The following RGS18 variants were observed in gnomAD, a reference collection of about 807,000 sequenced individuals.
The protein encoded by RGS18 is regulator of G-protein signaling 18.
In RGS18, 22 loss-of-function variants were observed where a neutral mutation model predicts 27.6. The ratio of observed to expected loss-of-function variants is 0.80; its 90% CI spans 0.57 to 1.14. RGS18 has a LOEUF of 1.14. Ranked by LOEUF, RGS18 falls within the 50% of genes most tolerant of loss-of-function variation. The pLI, the probability that RGS18 is intolerant of heterozygous loss-of-function variation, is 0.00. For missense variants in RGS18, 299 were observed against 269.6 expected, an observed-to-expected ratio of 1.11 and a Z score of -0.76; for synonymous variants, 89 against 84.6, an observed-to-expected ratio of 1.05 and a Z score of -0.29.
intron 3 of RGS18, among the ~76,000 whole-genome samples, chr1:192,174,357 C>G (rs1557937397): frequency 6.6e-6 from 1 of 151,794 alleles, no homozygotes; most frequent in Non-Finnish European, 1.5e-5. Flanking sequence ...ATGAGTCTAA[C>G]ACAGAGTTTA....
In RGS18 at chr1:192,184,506, C is replaced by A. The variant is rs2102162767; in HGVS notation, c.660C>A (p.Thr220=). The A allele has an allele frequency of 6.2e-7, 1 of 1,611,412 alleles. No homozygotes were observed. The highest frequency in any genetic ancestry group is 8.5e-7 in the Non-Finnish European group (1 of 1,178,346). The part of the protein sequence containing the change: ...TNLRRRSRSF[T]CNEFQDVQSD... ...TTAGGAGACGATCACGCTCATTTAC[C>A]TGCAATGAATTCCAAGATGTACAAT... is the stretch of plus-strand genomic sequence containing the variant. Residue 220 remains threonine, a synonymous_variant, in exon 5 of 5, where the codon ACC becomes ACA. Transcript: ENST00000367460.
chr1:192,174,571 T>C (rs1164732355), intron 3 of RGS18, among the ~76,000 whole-genome samples: 1 of 151,938 alleles, frequency 6.6e-6, no homozygotes, highest in Non-Finnish European at 1.5e-5. Flanking sequence ...TGAGTTTGCT[T>C]CATGTATTTT....
At chr1:192,159,599 A>T (rs1656035123) in intron 2 of RGS18, among the ~76,000 whole-genome samples, 1 of 152,208 alleles carries the variant, frequency 6.6e-6, no homozygotes, top group African/African-American at 2.4e-5. Context: ...TAACCTGATA[A>T]AATGCTCATT....
At chr1:192,163,732 C>T (rs1333324443) in intron 3 of RGS18, 3 of 151,678 alleles carry the variant, frequency 2.0e-5, no homozygotes, top group African/African-American at 7.3e-5. Context: ...ATTTTTATTA[C>T]AATGCTTATA....
intron 3 of RGS18, among the ~76,000 whole-genome samples, chr1:192,166,469 T>A (rs1656164238): frequency 1.3e-5 from 2 of 152,088 alleles, no homozygotes; most frequent in African/African-American, 4.8e-5. Flanking sequence ...TTGGAAGCCT[T>A]TGTGTGTTAA....
chr1:192,159,299 G>A lies in RGS18; in HGVS notation c.199G>A (p.Gly67Arg). ...TGAAGACACCCGCTCCAGTAGATCTGGGCACTTGGCCAAAGAAACAAGGTG... is the reference window on the plus strand; with the variant it reads ...TGAAGACACCCGCTCCAGTAGATCTAGGCACTTGGCCAAAGAAACAAGGTG... The part of the protein sequence containing the change: ...FHEDTRSSRS[G>R]HLAKETRVSP... Residue 67 changes from glycine (G) to arginine (R), a missense_variant, in exon 2 of 5, where the codon GGG (glycine) becomes AGG (arginine). Gly to Arg is a moderately radical substitution (Grantham distance 125, BLOSUM62 -2). Coordinates refer to ENST00000367460, the MANE Select transcript of RGS18 (RefSeq NM_130782.3). 1 of 1,612,366 alleles carries A rather than the reference G, an allele frequency of 6.2e-7. No individual in the cohort carries two copies. Among genetic ancestry groups the A allele is most frequent in the Non-Finnish European group, 8.5e-7 (1 of 1,178,528 alleles).
At chr1:192,174,338 G>A (rs1280647285) in intron 3 of RGS18, among the ~76,000 whole-genome samples, 2 of 151,728 alleles carry the variant, frequency 1.3e-5, no homozygotes, top group Admixed American at 1.3e-4. Context: ...ATTTATTTAG[G>A]CTCATATTAT....
At chr1:192,174,113 T>C (rs1312172591) in intron 3 of RGS18, among the ~76,000 whole-genome samples, 2 of 151,846 alleles carry the variant, frequency 1.3e-5, no homozygotes, top group African/African-American at 4.8e-5. Context: ...GTACTTTCAC[T>C]ATAATTCAAG....
chr1:192,166,488 C>A lies in RGS18; in HGVS notation c.283+6049C>A, dbSNP rs985498628. 6.6e-5 allele frequency among the ~76,000 whole-genome samples: 10 copies of A among 151,880 alleles called. 1 individual carries two copies. The highest frequency in any genetic ancestry group is 2.4e-4 in the African/African-American group (10 of 41,358). ...AAGCCTTTGTGTGTTAAAAAGATAA[C>A]TCTGATGGTTAGAAAGGTAAAATTC... On this transcript the variant is annotated intron_variant, in intron 3 of 4. Coordinates refer to ENST00000367460, the MANE Select transcript of RGS18 (RefSeq NM_130782.3).
At chr1:192,167,264 G>A (rs760521711) in intron 3 of RGS18, among the ~76,000 whole-genome samples, 6 of 152,022 alleles carry the variant, frequency 3.9e-5, no homozygotes, top group Non-Finnish European at 7.4e-5. Context: ...TTCACTTTTG[G>A]GGGAGGAAAT....
intron 3 of RGS18, chr1:192,167,745 C>T (rs1656187426): frequency 6.6e-6 from 1 of 152,058 alleles, no homozygotes; most frequent in Non-Finnish European, 1.5e-5. Flanking sequence ...CTTAATTTAT[C>T]TAAAGATTAA....
At position 192,159,282 on chromosome 1, in the gene RGS18, C is replaced by A. The variant is rs755651267; in HGVS notation, c.182C>A (p.Thr61Asn). ...CAGAAACCTGAGTTTCATGAAGACA[C>A]CCGCTCCAGTAGATCTGGGCACTTG... Reference protein sequence around the residue: ...LVQKPEFHEDTRSSRSGHLAK... With the variant: ...LVQKPEFHEDNRSSRSGHLAK... The change falls in exon 2 of 5, where the codon ACC (threonine) becomes AAC (asparagine). Residue 61 changes from threonine to asparagine, a missense_variant. Coordinates refer to ENST00000367460, the MANE Select transcript of RGS18 (RefSeq NM_130782.3). 39 of 1,613,510 alleles carry A rather than the reference C, an allele frequency of 2.4e-5. No homozygotes were observed. The highest frequency in any genetic ancestry group is 3.1e-5 in the Non-Finnish European group (36 of 1,179,608).
chr1:192,160,332 A>T, intron 2 of RGS18, 46 bp from the exon 3 acceptor site: 1 of 1,285,272 alleles, frequency 7.8e-7, no homozygotes, highest in Non-Finnish European at 1.1e-6. Flanking sequence ...ATTCATAAAC[A>T]GACTTTCTGC....
At chr1:192,179,028 C>T (rs1280278995) in intron 3 of RGS18, among the ~76,000 whole-genome samples, 1 of 151,332 alleles carries the variant, frequency 6.6e-6, no homozygotes, top group African/African-American at 2.4e-5. Flanking sequence ...AAGCAAAGGA[C>T]AGAATTTTAG....
intron 1 of RGS18, among the ~76,000 whole-genome samples, chr1:192,158,975 T>C (rs1005363647): frequency 1.3e-5 from 2 of 152,146 alleles, no homozygotes; most frequent in African/African-American, 4.8e-5. Flanking sequence ...GTTAGCCACA[T>C]AGAGGAACTA....
At chr1:192,171,387 A>G (rs1656253075) in intron 3 of RGS18, among the ~76,000 whole-genome samples, 1 of 152,104 alleles carries the variant, frequency 6.6e-6, no homozygotes, top group Non-Finnish European at 1.5e-5. Context: ...TCTTACTAGC[A>G]TTTCAGGACT....
At chr1:192,171,051 G>A (rs1483981458) in intron 3 of RGS18, among the ~76,000 whole-genome samples, 1 of 152,082 alleles carries the variant, frequency 6.6e-6, no homozygotes, top group Non-Finnish European at 1.5e-5. Flanking sequence ...CACATCTGAT[G>A]CCCTGTTGTT....
rs73067177 is a variant in RGS18, at chr1:192,166,675, T to A, written c.283+6236T>A. 4.8e-3 allele frequency among the ~76,000 whole-genome samples: 726 copies of A among 152,206 alleles called. 7 individuals are homozygous for A. Among genetic ancestry groups the A allele is most frequent in the African/African-American group, 0.016 (681 of 41,556 alleles). ...AGGAATAGGAAACAAAAAAGAAGGA[T>A]GAGCCAAAGATTTCTAGATTTCATT... is the stretch of plus-strand genomic sequence containing the variant. On this transcript the variant is annotated intron_variant, in intron 3 of 4. Transcript: ENST00000367460.
At chr1:192,174,218 T>C (rs1394531945) in intron 3 of RGS18, among the ~76,000 whole-genome samples, 2 of 151,856 alleles carry the variant, frequency 1.3e-5, no homozygotes, top group Non-Finnish European at 2.9e-5. Flanking sequence ...TGTGTGCTTA[T>C]TTTCAAATAT....
Sources: allele counts gnomAD v4.1 joint callset (sites outside exome capture counted in the v4.1 genomes callset), GRCh38; gene constraint gnomAD v4.1.1; transcripts MANE v1.5; gene names NCBI Gene and HGNC (gene_info 2026-07-23, HGNC 2026-07-21).